Variants in DOCK2 observed in about 807,000 individuals in gnomAD.
The protein encoded by DOCK2 is dedicator of cytokinesis protein 2.
In DOCK2, 87 loss-of-function variants were observed where a neutral mutation model predicts 248.9. That is an observed-to-expected ratio of 0.35 (90% CI 0.29 to 0.42). The LOEUF is 0.42. DOCK2 is among the 10% of genes least tolerant of loss of function. DOCK2 has a pLI of 1.00. For missense variants in DOCK2, 1,747 were observed against 2,300.2 expected, an observed-to-expected ratio of 0.76 and a Z score of 4.92; for synonymous variants, 805 against 821.6, an observed-to-expected ratio of 0.98 and a Z score of 0.35.
At chr5:169,741,243 C>T (rs566173491) in intron 22 of DOCK2, among the ~76,000 whole-genome samples, 4 of 152,276 alleles carry the variant, frequency 2.6e-5, no homozygotes, top group South Asian at 2.1e-4. Context: ...TGGCAGTGAC[C>T]TTACAGGGAA....
intron 25 of DOCK2, among the ~76,000 whole-genome samples, chr5:169,774,783 A>G (rs1581170412): frequency 6.6e-6 from 1 of 152,200 alleles, no homozygotes; most frequent in African/African-American, 2.4e-5. Flanking sequence ...CTACTTGCCT[A>G]TTAAACATGT....
intron 27 of DOCK2, among the ~76,000 whole-genome samples, chr5:169,977,179 C>A (rs1777745785): frequency 6.6e-6 from 1 of 152,210 alleles, no homozygotes; most frequent in Non-Finnish European, 1.5e-5. Context: ...AAAGAACTGT[C>A]CCAGCATGCT....
intron 27 of DOCK2, among the ~76,000 whole-genome samples, chr5:169,932,175 G>A (rs1351912164): frequency 1.3e-5 from 2 of 152,136 alleles, no homozygotes; most frequent in African/African-American, 2.4e-5. Flanking sequence ...TAACATCAAC[G>A]GTGAGTATCT....
rs147831079 is a variant in DOCK2, at chr5:169,930,147, T to C, written c.2800-52921T>C. 4.6e-5 allele frequency among the ~76,000 whole-genome samples: 7 copies of C among 152,244 alleles called. No homozygotes were observed. In the East Asian group the frequency reaches 1.2e-3, roughly 25 times the overall value. On this transcript the variant is annotated intron_variant, in intron 27 of 51. Coordinates refer to ENST00000520908, the MANE Select transcript of DOCK2 (RefSeq NM_004946.3). ...CTGGGACTACAGGTGCATTCCACCA[T>C]GCCCAGCTAATTTTTTGCATTTTAG... is the stretch of plus-strand genomic sequence containing the variant.
chr5:170,014,394 A>C (rs1043443605), intron 32 of DOCK2, among the ~76,000 whole-genome samples: 3 of 152,190 alleles, frequency 2.0e-5, no homozygotes, highest in African/African-American at 7.2e-5. Flanking sequence ...GAATAAAGTT[A>C]ATTTTAACAA....
intron 22 of DOCK2, among the ~76,000 whole-genome samples, chr5:169,733,248 T>C (rs1386201070): frequency 1.3e-5 from 2 of 152,088 alleles, no homozygotes; most frequent in Admixed American, 6.6e-5. Flanking sequence ...AGTGGCTACC[T>C]GCATATTTTA....
At chr5:169,771,807 T>C (rs1439488920) in intron 25 of DOCK2, among the ~76,000 whole-genome samples, 1 of 152,242 alleles carries the variant, frequency 6.6e-6, no homozygotes, top group Non-Finnish European at 1.5e-5. Context: ...TTAAGAAATC[T>C]TTCTCAGTCC....
At chr5:169,815,183 C>T (rs767275851) in intron 26 of DOCK2, among the ~76,000 whole-genome samples, 20 of 152,034 alleles carry the variant, frequency 1.3e-4, no homozygotes, top group African/African-American at 2.9e-4. Context: ...CTTTGCCTGG[C>T]GGGCATGGAA....
At chr5:169,918,967 G>A (rs1775027943) in intron 27 of DOCK2, among the ~76,000 whole-genome samples, 1 of 152,074 alleles carries the variant, frequency 6.6e-6, no homozygotes, top group African/African-American at 2.4e-5. Context: ...GAGTATGTAA[G>A]ATGAAAAATG....
intron 26 of DOCK2, among the ~76,000 whole-genome samples, chr5:169,830,137 A>T (rs1769126639): frequency 1.3e-5 from 2 of 152,272 alleles, no homozygotes; most frequent in Admixed American, 1.3e-4. Context: ...GAGCAGATCC[A>T]GCTCCATTGC....
In DOCK2 at chr5:170,080,288, G is replaced by GC. The variant is rs773471053; in HGVS notation, c.5287+10dup. 5 of 1,613,926 alleles carry GC rather than the reference G, an allele frequency of 3.1e-6. No individual in the cohort carries two copies. In the African/African-American group the frequency reaches 6.7e-5, roughly 22 times the overall value. On this transcript the variant is annotated splice_donor_region_variant and intron_variant, in intron 50 of 51. Transcript: ENST00000520908. ...AGTCCATGCCTACCATCCCAGGTAT[G>GC]CCCCCTGCTGCCACCAGCATGAGGG...
intron 1 of DOCK2, among the ~76,000 whole-genome samples, chr5:169,653,066 C>G (rs575900860): frequency 6.6e-6 from 1 of 152,294 alleles, no homozygotes; most frequent in African/African-American, 2.4e-5. Context: ...CAAGTAACCT[C>G]TCTCTGTCTG....
At chr5:169,738,486 A>G (rs1428956291) in intron 22 of DOCK2, among the ~76,000 whole-genome samples, 3 of 152,218 alleles carry the variant, frequency 2.0e-5, no homozygotes, top group Non-Finnish European at 4.4e-5. Context: ...GTCCCTTCTT[A>G]GCCCAAGGCT....
intron 40 of DOCK2, among the ~76,000 whole-genome samples, chr5:170,049,954 G>T (rs1581557358): frequency 6.6e-6 from 1 of 152,196 alleles, no homozygotes; most frequent in Non-Finnish European, 1.5e-5. Flanking sequence ...AGGAGAGTGG[G>T]TGTGACACAG....
chr5:169,847,998 A>C (rs999935393), intron 27 of DOCK2, among the ~76,000 whole-genome samples: 1 of 152,200 alleles, frequency 6.6e-6, no homozygotes, highest in Non-Finnish European at 1.5e-5. Flanking sequence ...AGTAATGGAA[A>C]AAACCGTCTT....
chr5:169,924,776 T>C (rs1480164240), intron 27 of DOCK2, among the ~76,000 whole-genome samples: 1 of 152,204 alleles, frequency 6.6e-6, no homozygotes, highest in Admixed American at 6.5e-5. Flanking sequence ...CTTTTCTTTT[T>C]TCATCAATCT....
chr5:169,726,642 G>A (rs1762490088), intron 22 of DOCK2, among the ~76,000 whole-genome samples: 1 of 152,022 alleles, frequency 6.6e-6, no homozygotes, highest in Non-Finnish European at 1.5e-5. Context: ...ATATTTATTG[G>A]GCACCTATTA....
Position 170,017,839 on chromosome 5 carries a change from T to G in DOCK2, c.3233-1121T>G, listed in dbSNP as rs138446780. The stretch of plus-strand genomic sequence containing the variant: ...GGGCAACACTGCCCTTGGCACTGAT[T>G]CTTCTGCGCTCTGTGCTAAGTACAT... On this transcript the variant is annotated intron_variant, in intron 32 of 51. Coordinates refer to ENST00000520908, the MANE Select transcript of DOCK2 (RefSeq NM_004946.3). 6.6e-3 allele frequency among the ~76,000 whole-genome samples: 998 copies of G among 152,362 alleles called. 10 individuals are homozygous for G. The highest frequency in any genetic ancestry group is 0.023 in the African/African-American group (959 of 41,580).
intron 13 of DOCK2, among the ~76,000 whole-genome samples, chr5:169,701,043 G>A (rs968722512): frequency 6.6e-6 from 1 of 152,160 alleles, no homozygotes; most frequent in Non-Finnish European, 1.5e-5. Flanking sequence ...GTAACCTGAT[G>A]TTAACAATCA....
Sources: allele counts gnomAD v4.1 joint callset (sites outside exome capture counted in the v4.1 genomes callset), GRCh38; gene constraint gnomAD v4.1.1; transcripts MANE v1.5; gene names NCBI Gene and HGNC (gene_info 2026-07-23, HGNC 2026-07-21).